Variants in SLIT3 observed in about 807,000 individuals in gnomAD.
SLIT3 encodes the protein slit homolog 3 protein.
Under a neutral mutation model 184.0 loss-of-function variants are expected in SLIT3, and 68 were observed. The ratio of observed to expected loss-of-function variants is 0.37; its 90% CI spans 0.30 to 0.45. The LOEUF is 0.45. Among genes scored for constraint, SLIT3 ranks in the 20% least tolerant of loss-of-function variants. SLIT3 has a pLI of 1.00. For synonymous variants in SLIT3, 831 were observed against 828.6 expected, an observed-to-expected ratio of 1.00 and a Z score of -0.05; for missense variants, 1,707 against 2,026.0, an observed-to-expected ratio of 0.84 and a Z score of 3.02.
At position 168,722,376 on chromosome 5, in the gene SLIT3, A is replaced by G. The variant is rs200356352; in HGVS notation, c.2412-49T>C. The G allele has an allele frequency of 1.8e-5, 27 of 1,491,744 alleles. No individual in the cohort carries two copies. In the African/African-American group the frequency reaches 3.4e-4, roughly 19 times the overall value. The allele number at this position is 1,491,744 out of a possible 1,614,324, so 92.4% of individuals were successfully genotyped here. A position where few individuals can be genotyped will look rare whatever the true frequency, so the allele number is the denominator to read the frequency against. ...CTGTTGTGTCTTTCTATTCTCTACC[A>G]TGCATAGGTGCACTGTTCACGTTGT... On this transcript the variant is annotated intron_variant, in intron 22 of 35. Coordinates refer to ENST00000519560, the MANE Select transcript of SLIT3 (RefSeq NM_003062.4).
At chr5:169,025,997 C>T (rs993956881) in intron 4 of SLIT3, among the ~76,000 whole-genome samples, 4 of 152,162 alleles carry the variant, frequency 2.6e-5, no homozygotes, top group African/African-American at 7.2e-5. Context: ...CCCCCAATCA[C>T]CAGCCTGTCT....
rs1194899408 is a variant in SLIT3, at chr5:168,664,966, G to A, written c.*1488C>T. 2 of 152,268 alleles carry A rather than the reference G, an allele frequency of 1.3e-5. No individual in the cohort carries two copies. The highest frequency in any genetic ancestry group is 2.4e-5 in the African/African-American group (1 of 41,464). 9.4% of individuals were successfully genotyped at this position (152,268 alleles called of 1,614,324 possible). A position where few individuals can be genotyped will look rare whatever the true frequency, so the allele number is the denominator to read the frequency against. ...CAGATACTGCGGAGGGAGAAGGAGT[G>A]AGCAAGGCAGAACAAGAGCAGGAAA... On this transcript the variant is annotated 3_prime_UTR_variant, in exon 36 of 36. Coordinates refer to ENST00000519560, the MANE Select transcript of SLIT3 (RefSeq NM_003062.4).
chr5:168,867,695 C>G (rs1351910105), intron 5 of SLIT3, among the ~76,000 whole-genome samples: 1 of 152,204 alleles, frequency 6.6e-6, no homozygotes. Flanking sequence ...TTGGGAAGAT[C>G]TGCTCCCATA....
chr5:168,819,007 G>A (rs1349611685), intron 7 of SLIT3, among the ~76,000 whole-genome samples: 3 of 152,258 alleles, frequency 2.0e-5, no homozygotes, highest in Non-Finnish European at 2.9e-5. Context: ...TAATCTGGAT[G>A]TAATTTCCTT....
intron 25 of SLIT3, among the ~76,000 whole-genome samples, chr5:168,709,901 T>C (rs1283838463): frequency 2.0e-5 from 3 of 151,798 alleles, no homozygotes; most frequent in African/African-American, 7.3e-5. Context: ...TAATGAAAAA[T>C]GCAACCAAAG....
chr5:168,897,506 G>T lies in SLIT3; in HGVS notation c.414-14170C>A, dbSNP rs557174285. 2.0e-5 allele frequency among the ~76,000 whole-genome samples: 3 copies of T among 152,034 alleles called. No individual in the cohort carries two copies. In the South Asian group the frequency reaches 6.2e-4, roughly 32 times the overall value. ...GACAGAGACAATAAAACCAGAGAAA[G>T]CAAAAGAGAAATAAAAGTCGGAGAC... On this transcript the variant is annotated intron_variant, in intron 4 of 35. Transcript: ENST00000519560.
At chr5:169,028,030 T>A (rs1469692669) in intron 4 of SLIT3, among the ~76,000 whole-genome samples, 1 of 152,126 alleles carries the variant, frequency 6.6e-6, no homozygotes, top group Non-Finnish European at 1.5e-5. Context: ...CTTTAGCCTT[T>A]AAAGGAAGCT....
chr5:168,743,838 G>A (rs1028389961), intron 20 of SLIT3, among the ~76,000 whole-genome samples: 1 of 152,168 alleles, frequency 6.6e-6, no homozygotes, highest in Admixed American at 6.5e-5. Flanking sequence ...AACTTTTAGC[G>A]GTCTGGATAG....
At chr5:168,712,424 C>T (rs1762587158) in intron 23 of SLIT3, 70 bp from the exon 24 acceptor site, 2 of 1,346,152 alleles carry the variant, frequency 1.5e-6, no homozygotes, top group Non-Finnish European at 2.1e-6. Flanking sequence ...TCAGGGCCTC[C>T]AGTGCCTGGC....
chr5:168,687,183 GC>G, intron 29 of SLIT3, 67 bp from the exon 30 acceptor site: 1 of 1,577,252 alleles, frequency 6.3e-7, no homozygotes, highest in Non-Finnish European at 8.7e-7. Flanking sequence ...TCACTCTCCA[GC>G]CCCCCTCAGC....
At chr5:169,104,338 G>A (rs1215336938) in intron 4 of SLIT3, among the ~76,000 whole-genome samples, 4 of 152,164 alleles carry the variant, frequency 2.6e-5, no homozygotes, top group Non-Finnish European at 4.4e-5. Context: ...ATAAGCCCAC[G>A]CAGAACTCCA....
chr5:169,059,328 T>G (rs1012333865), intron 4 of SLIT3, among the ~76,000 whole-genome samples: 2 of 152,092 alleles, frequency 1.3e-5, no homozygotes, highest in East Asian at 3.9e-4. Flanking sequence ...TACTCCAGAA[T>G]GAGGATAACA....
chr5:168,840,531 T>G (rs1758206204), intron 6 of SLIT3, among the ~76,000 whole-genome samples: 1 of 151,992 alleles, frequency 6.6e-6, no homozygotes, highest in South Asian at 2.1e-4. Context: ...TCAGCCTGGC[T>G]GGTATGGGCT....
At chr5:169,175,306 C>CTTAGGCTTAGAAAAACAAAA (rs1371861650) in intron 4 of SLIT3, among the ~76,000 whole-genome samples, 1 of 152,180 alleles carries the variant, frequency 6.6e-6, no homozygotes, top group African/African-American at 2.4e-5. Flanking sequence ...AATTATGGAC[C>CTTAGGCTTAGAAAAACAAAA]TATGTGGTGG....
chr5:169,162,712 A>G (rs527638866), intron 4 of SLIT3, among the ~76,000 whole-genome samples: 3 of 152,324 alleles, frequency 2.0e-5, no homozygotes, highest in Non-Finnish European at 4.4e-5. Flanking sequence ...TAATGAAGTC[A>G]CTTAATCTCA....
chr5:169,132,547 G>T (rs1249188062), intron 4 of SLIT3, among the ~76,000 whole-genome samples: 1 of 152,100 alleles, frequency 6.6e-6, no homozygotes, highest in African/African-American at 2.4e-5. Flanking sequence ...CAAATTCCTG[G>T]GCCAGAGGGT....
chr5:169,221,197 G>A (rs1462188968), intron 3 of SLIT3, among the ~76,000 whole-genome samples: 1 of 152,174 alleles, frequency 6.6e-6, no homozygotes, highest in Non-Finnish European at 1.5e-5. Context: ...AGCTCTTTTA[G>A]AGCTCAAAGT....
intron 14 of SLIT3, among the ~76,000 whole-genome samples, chr5:168,763,234 G>A (rs899231316): frequency 6.6e-6 from 1 of 152,052 alleles, no homozygotes; most frequent in Non-Finnish European, 1.5e-5. Flanking sequence ...AACGAGTACA[G>A]GCCAAGTACA....
At chr5:168,726,471 G>A (rs1477804826) in intron 20 of SLIT3, among the ~76,000 whole-genome samples, 1 of 32,220 alleles carries the variant, frequency 3.1e-5, no homozygotes, top group Non-Finnish European at 6.2e-5. Flanking sequence ...GGAGGGAGAG[G>A]GAGGGAGGAA....
Sources: gnomAD v4.1 joint callset for allele counts (sites outside exome capture counted in the v4.1 genomes callset) on GRCh38, gnomAD v4.1.1 for gene constraint, MANE v1.5 for transcripts, NCBI Gene and HGNC (gene_info 2026-07-23, HGNC 2026-07-21) for gene names.